GALNT10: variants seen among roughly 807,000 people sequenced by gnomAD.
GALNT10 encodes the protein polypeptide N-acetylgalactosaminyltransferase 10, also known as GalNAc transferase 10.
A neutral mutation model predicts 75.0 loss-of-function variants in GALNT10; 41 were observed. The ratio of observed to expected loss-of-function variants is 0.55; its 90% CI spans 0.43 to 0.71. GALNT10 has a LOEUF of 0.71. GALNT10 is among the 30% of genes least tolerant of loss of function. The pLI is 0.00. For synonymous variants in GALNT10, 302 were observed against 313.0 expected (o/e 0.96, Z 0.37); for missense variants, 727 against 818.5 (o/e 0.89, Z 1.36).
At chr5:154,403,724 C>A in intron 7 of GALNT10, 1 of 303,208 alleles carries the variant, frequency 3.3e-6, no homozygotes, top group East Asian at 1.1e-4. Flanking sequence ...ATTCTGAAGT[C>A]AGCTAAAACA....
intron 4 of GALNT10, among the ~76,000 whole-genome samples, chr5:154,341,759 C>CT (rs1295461760): frequency 6.6e-6 from 1 of 152,176 alleles, no homozygotes; most frequent in Admixed American, 6.5e-5. Context: ...AATAGACCTT[C>CT]TTCCTGAGCA....
chr5:154,415,905 G>A lies in GALNT10; in HGVS notation c.1626G>A (p.Lys542=), dbSNP rs35405339. 8,540 of 1,614,056 alleles carry A rather than the reference G, an allele frequency of 5.3e-3. 434 individuals carry two copies. In the African/African-American group the frequency reaches 0.1, roughly 19 times the overall value. ...PVTLYDCHSM[K]GNQLWKYRKD... The stretch of plus-strand genomic sequence containing the variant: ...CGCTGTACGACTGCCACAGCATGAA[G>A]GGCAACCAGCTGTGGAAATACCGCA... The change falls in exon 11 of 12, where the codon AAG becomes AAA. Residue 542 remains lysine, a synonymous_variant. Coordinates refer to ENST00000297107, the MANE Select transcript of GALNT10 (RefSeq NM_198321.4).
Position 154,301,930 on chromosome 5 carries a change from C to CT in GALNT10, c.401+3851_401+3852insT, listed in dbSNP as rs749079079. ...CCCACCCAGCCAGCCAGCCAGCATCCAAGTTACTAACTGCAAAAGATGTCA... is the reference window on the plus strand; with the variant it reads ...CCCACCCAGCCAGCCAGCCAGCATCCTAAGTTACTAACTGCAAAAGATGTCA... On this transcript the variant is annotated intron_variant, in intron 3 of 11. Transcript: ENST00000297107. Among the ~76,000 whole-genome samples, 5 of 152,276 alleles carry CT rather than the reference C, an allele frequency of 3.3e-5. No homozygotes were observed. The East Asian group carries it at 5.8e-4, about 18-fold the overall frequency.
At chr5:154,375,115 TAGA>T (rs1755634171) in intron 4 of GALNT10, among the ~76,000 whole-genome samples, 1 of 152,194 alleles carries the variant, frequency 6.6e-6, no homozygotes, top group African/African-American at 2.4e-5. Context: ...GAAACACAGC[TAGA>T]AGAAGGAAAC....
At chr5:154,361,978 A>G (rs1235793032) in intron 4 of GALNT10, among the ~76,000 whole-genome samples, 2 of 152,108 alleles carry the variant, frequency 1.3e-5, no homozygotes. Context: ...TGGGTCATCT[A>G]TGGCTCCACC....
At chr5:154,368,342 G>T (rs1415144580) in intron 4 of GALNT10, among the ~76,000 whole-genome samples, 4 of 152,204 alleles carry the variant, frequency 2.6e-5, no homozygotes, top group African/African-American at 4.8e-5. Flanking sequence ...CTGAGGTTCA[G>T]TCGGCTCTCT....
At chr5:154,262,245 A>T (rs1753709604) in intron 1 of GALNT10, among the ~76,000 whole-genome samples, 1 of 142,800 alleles carries the variant, frequency 7.0e-6, no homozygotes, top group African/African-American at 2.9e-5. Context: ...AGGTTGATTT[A>T]CCTGCCTGGC....
intron 1 of GALNT10, among the ~76,000 whole-genome samples, chr5:154,259,219 T>A (rs1234752162): frequency 2.0e-5 from 3 of 152,210 alleles, no homozygotes; most frequent in African/African-American, 7.2e-5. Context: ...TTGTTTTTCA[T>A]GACGTTGGCA....
chr5:154,202,241 G>A (rs903630216), intron 1 of GALNT10, among the ~76,000 whole-genome samples: 4 of 152,148 alleles, frequency 2.6e-5, no homozygotes, highest in African/African-American at 4.8e-5. Context: ...GTTCATTGCC[G>A]GGGCAGGAGT....
At chr5:154,380,686 C>A in intron 6 of GALNT10, 55 bp downstream of exon 6, 1 of 1,232,266 alleles carries the variant, frequency 8.1e-7, no homozygotes, top group Non-Finnish European at 1.2e-6. Context: ...CCACTCCCAA[C>A]ACGCACACAA....
intron 4 of GALNT10, among the ~76,000 whole-genome samples, chr5:154,343,181 T>C (rs997554985): frequency 5.3e-5 from 8 of 151,998 alleles, no homozygotes; most frequent in African/African-American, 1.9e-4. Flanking sequence ...TTTCTGAGGA[T>C]TGTGATGCAG....
intron 3 of GALNT10, among the ~76,000 whole-genome samples, chr5:154,312,360 A>G (rs1754534906): frequency 6.6e-6 from 1 of 152,106 alleles, no homozygotes; most frequent in Admixed American, 6.5e-5. Context: ...TCCCCTCTCT[A>G]TCCCCCCACT....
chr5:154,281,837 A>G (rs557828518), intron 1 of GALNT10, among the ~76,000 whole-genome samples: 1 of 152,314 alleles, frequency 6.6e-6, no homozygotes, highest in Non-Finnish European at 1.5e-5. Context: ...TGATGGCTTC[A>G]GCCATCCCTA....
chr5:154,203,323 C>A (rs1305405401), intron 1 of GALNT10, among the ~76,000 whole-genome samples: 1 of 152,170 alleles, frequency 6.6e-6, no homozygotes, highest in East Asian at 1.9e-4. Flanking sequence ...AGAAATGACA[C>A]TAAAGAAGCC....
At chr5:154,350,189 TAAAA>T (rs370359115) in intron 4 of GALNT10, among the ~76,000 whole-genome samples, 1 of 146,496 alleles carries the variant, frequency 6.8e-6, no homozygotes, top group Non-Finnish European at 1.5e-5. Context: ...TGCTTTCCTT[TAAAA>T]AAAAAAAAAT....
intron 10 of GALNT10, 37 bp from the exon 11 acceptor site, chr5:154,415,746 G>A (rs1427154144): frequency 6.4e-7 from 1 of 1,570,924 alleles, no homozygotes; most frequent in African/African-American, 1.4e-5. Flanking sequence ...AAAGTCCTTG[G>A]CTTTGCTATC....
intron 1 of GALNT10, among the ~76,000 whole-genome samples, chr5:154,285,869 C>G (rs1754103392): frequency 6.6e-6 from 1 of 152,196 alleles, no homozygotes; most frequent in African/African-American, 2.4e-5. Context: ...CAGACTTTCC[C>G]TGCTTCTCTG....
intron 6 of GALNT10, among the ~76,000 whole-genome samples, chr5:154,380,889 G>T (rs1423226580): frequency 6.6e-6 from 1 of 152,152 alleles, no homozygotes; most frequent in Non-Finnish European, 1.5e-5. Flanking sequence ...GTCAGCAGGG[G>T]TGAGTGGGTC....
Position 154,203,191 on chromosome 5 carries a change from T to C in GALNT10, c.159+12166T>C, listed in dbSNP as rs1459559914. Among the ~76,000 whole-genome samples, 28 of 152,198 alleles carry C rather than the reference T, an allele frequency of 1.8e-4. 1 individual carries two copies. The highest frequency in any genetic ancestry group is 1.8e-3 in the Admixed American group (28 of 15,284). On this transcript the variant is annotated intron_variant, in intron 1 of 11. Transcript: ENST00000297107. Reference sequence around the variant, plus strand: ...ACTTTGGGTGTATGACTCTTTCACCTGTCTCCTATTCTCAGGCCTCTCCCC... The same window carrying C: ...ACTTTGGGTGTATGACTCTTTCACCCGTCTCCTATTCTCAGGCCTCTCCCC...
Sources: allele counts gnomAD v4.1 joint callset (sites outside exome capture counted in the v4.1 genomes callset), GRCh38; gene constraint gnomAD v4.1.1; transcripts MANE v1.5; gene names NCBI Gene and HGNC (gene_info 2026-07-23, HGNC 2026-07-21).